Variants in URB1 observed in about 807,000 individuals in gnomAD.
URB1 encodes nucleolar pre-ribosomal-associated protein 1.
URB1 carries 197 observed loss-of-function variants against 242.3 expected under a neutral mutation model. The ratio of observed to expected loss-of-function variants is 0.81; its 90% CI spans 0.72 to 0.91. URB1 has a LOEUF of 0.91. Among genes scored for constraint, URB1 ranks in the 40% least tolerant of loss-of-function variants. The pLI is 0.00. For synonymous variants in URB1, 1,153 were observed against 1,201.8 expected (o/e 0.96, Z 0.84); for missense variants, 2,721 against 2,860.5 (o/e 0.95, Z 1.11).
intron 30 of URB1, among the ~76,000 whole-genome samples, chr21:32,328,571 A>G (rs1372380954): frequency 6.6e-6 from 1 of 152,254 alleles, no homozygotes; most frequent in Non-Finnish European, 1.5e-5. Flanking sequence ...AGAGACACCT[A>G]CATAAGTACA....
intron 3 of URB1, 143 bp downstream of exon 3, chr21:32,384,170 G>C: frequency 9.6e-7 from 1 of 1,037,008 alleles, no homozygotes; most frequent in East Asian, 2.6e-5. Flanking sequence ...AAAGGAAGGG[G>C]GCAGAGACTC....
At chr21:32,316,327 A>C in intron 38 of URB1, 139 bp downstream of exon 38, 1 of 1,320,728 alleles carries the variant, frequency 7.6e-7, no homozygotes, top group Admixed American at 3.2e-5. Flanking sequence ...CAGAACCGTA[A>C]GGGGCCACCT....
chr21:32,375,839 C>A (rs1433116793), intron 5 of URB1, among the ~76,000 whole-genome samples: 1 of 152,016 alleles, frequency 6.6e-6, no homozygotes, highest in Non-Finnish European at 1.5e-5. Flanking sequence ...TTACTGTAGT[C>A]TTAGGTACCT....
chr21:32,373,356 C>A (rs1265807390), intron 7 of URB1, among the ~76,000 whole-genome samples: 1 of 151,952 alleles, frequency 6.6e-6, no homozygotes, highest in Non-Finnish European at 1.5e-5. Flanking sequence ...GCCGGGATGA[C>A]CCTGCAGGTC....
At chr21:32,330,536 A>G (rs1483002876) in intron 30 of URB1, among the ~76,000 whole-genome samples, 2 of 151,946 alleles carry the variant, frequency 1.3e-5, no homozygotes, top group Non-Finnish European at 2.9e-5. Flanking sequence ...GAAAATTAAC[A>G]TCCTGATTTT....
chr21:32,317,093 G>A (rs1416694817), intron 37 of URB1, 28 bp from the exon 38 acceptor site: 1 of 1,496,992 alleles, frequency 6.7e-7, no homozygotes, highest in East Asian at 2.5e-5. Flanking sequence ...AGAAGGTAAT[G>A]AGACTGGGGT....
rs377216281 is a variant in URB1, at chr21:32,334,360, C to A, written c.4686-26G>T. On this transcript the variant is annotated intron_variant, in intron 28 of 38. Transcript: ENST00000382751. Reference sequence around the variant, plus strand: ...CTAGAGCCAGAAAAGGGAAAAGAGACTGGTCACAGAGCCCCCCGGGAACAG... The same window carrying A: ...CTAGAGCCAGAAAAGGGAAAAGAGAATGGTCACAGAGCCCCCCGGGAACAG... The A allele has an allele frequency of 1.6e-5, 24 of 1,528,176 alleles. No homozygotes were observed. In the African/African-American group the frequency reaches 2.9e-4, roughly 18 times the overall value. The allele number at this position is 1,528,176 out of a possible 1,614,324, so 94.7% of individuals were successfully genotyped here. A position where few individuals can be genotyped will look rare whatever the true frequency, so the allele number is the denominator to read the frequency against.
At chr21:32,367,214 G>A (rs2033355999) in intron 9 of URB1, among the ~76,000 whole-genome samples, 1 of 152,180 alleles carries the variant, frequency 6.6e-6, no homozygotes, top group South Asian at 2.1e-4. Context: ...TTGGACCTCA[G>A]TGAGGTTAGG....
intron 30 of URB1, among the ~76,000 whole-genome samples, chr21:32,330,493 A>G (rs1288449090): frequency 6.6e-6 from 1 of 152,004 alleles, no homozygotes; most frequent in East Asian, 1.9e-4. Context: ...CCAAGGGAAA[A>G]AAAAAAAAAA....
Position 32,354,116 on chromosome 21 carries a change from G to A in URB1, c.2246-13C>T. 1 of 1,551,590 alleles carries A rather than the reference G, an allele frequency of 6.4e-7. No homozygotes were observed. Among genetic ancestry groups the A allele is most frequent in the East Asian group, 2.4e-5 (1 of 40,928 alleles). On this transcript the variant is annotated splice_polypyrimidine_tract_variant and intron_variant, in intron 17 of 38. Coordinates refer to ENST00000382751, the MANE Select transcript of URB1 (RefSeq NM_014825.3). ...ATGTCGAGAACATCTGAGACAGAAA[G>A]AGGAGAATCCAGCTGATGTGAGAGC... is the stretch of plus-strand genomic sequence containing the variant.
rs1222981190 is a variant in URB1 at position 32,325,238 on chromosome 21, C to T, written c.5112G>A (p.Glu1704=). 6.4e-7 allele frequency: 1 copy of T among 1,551,076 alleles called. No homozygotes were observed. The highest frequency in any genetic ancestry group is 2.0e-5 in the Admixed American group (1 of 50,926). The change falls in exon 31 of 39, where the codon GAG becomes GAA. Residue 1704 remains glutamate, a synonymous_variant. Coordinates refer to ENST00000382751, the MANE Select transcript of URB1 (RefSeq NM_014825.3). ...YSHLEGARFQ[E]QSQLLYLLDV... ...CGCTCTTCCTACTTACCTGGGACTG[C>T]TCTTGGAACCGTGCGCCCTCCAAGT...
chr21:32,379,808 G>T (rs1339330331), intron 4 of URB1, among the ~76,000 whole-genome samples: 4 of 152,088 alleles, frequency 2.6e-5, no homozygotes, highest in Non-Finnish European at 5.9e-5. Context: ...CGGCCAACAT[G>T]GTGAAACCCT....
At chr21:32,361,167 G>GAAAGAAAGAAAGAAAGAA (rs2033281618) in intron 12 of URB1, 44 bp from the exon 13 acceptor site, 2 of 604,634 alleles carry the variant, frequency 3.3e-6, no homozygotes, top group Non-Finnish European at 2.7e-6. Flanking sequence ...AAAAAAGAAA[G>GAAAGAAAGAAAGAAAGAA]AAAGAAAGAA....
chr21:32,334,401 C>T, intron 28 of URB1, 67 bp from the exon 29 acceptor site: 1 of 1,474,170 alleles, frequency 6.8e-7, no homozygotes, highest in Non-Finnish European at 9.1e-7. Context: ...ATCATGATAA[C>T]AACAACAGGT....
At chr21:32,369,993 A>G (rs1489688849) in intron 8 of URB1, among the ~76,000 whole-genome samples, 1 of 151,760 alleles carries the variant, frequency 6.6e-6, no homozygotes, top group Non-Finnish European at 1.5e-5. Context: ...AAAAAAAAAA[A>G]AAAGTAAGAA....
At chr21:32,352,632 C>T (rs1251321635) in intron 19 of URB1, 78 bp downstream of exon 19, 1 of 1,522,180 alleles carries the variant, frequency 6.6e-7, no homozygotes, top group African/African-American at 1.4e-5. Flanking sequence ...CCCAACTGCA[C>T]AGCTGTGGCC....
intron 30 of URB1, among the ~76,000 whole-genome samples, chr21:32,331,640 A>T (rs1469466940): frequency 6.6e-6 from 1 of 152,244 alleles, no homozygotes. Context: ...AAAGGCCGGA[A>T]CAAAAGCCTG....
intron 29 of URB1, 39 bp downstream of exon 29, chr21:32,334,124 G>T: frequency 1.3e-6 from 2 of 1,499,722 alleles, no homozygotes; most frequent in Non-Finnish European, 1.8e-6. Context: ...TGAGGCTGGG[G>T]TGAAGGGGTG....
chr21:32,340,133 C>T (rs748035237), intron 25 of URB1, among the ~76,000 whole-genome samples: 4 of 152,238 alleles, frequency 2.6e-5, no homozygotes, highest in Non-Finnish European at 5.9e-5. Flanking sequence ...TAACCTGGCA[C>T]CCACTCTCAC....
Sources: gnomAD v4.1 joint callset for allele counts (sites outside exome capture counted in the v4.1 genomes callset) on GRCh38, gnomAD v4.1.1 for gene constraint, MANE v1.5 for transcripts, NCBI Gene and HGNC (gene_info 2026-07-23, HGNC 2026-07-21) for gene names.